TAS1R2: variants seen among roughly 807,000 people sequenced by gnomAD.
The protein encoded by TAS1R2 is taste 1 receptor member 2, also known as taste receptor type 1 member 2.
A neutral mutation model predicts 49.3 loss-of-function variants in TAS1R2; 47 were observed. That is an observed-to-expected ratio of 0.95 (90% confidence interval 0.75 to 1.22). The LOEUF (loss-of-function observed/expected upper bound fraction) is 1.22. TAS1R2 is among the 50% of genes most tolerant of loss of function. The pLI, the probability that TAS1R2 is intolerant of heterozygous loss-of-function variation, is 0.00. For missense variants in TAS1R2, 1,155 were observed against 1,122.1 expected, an observed-to-expected ratio of 1.03 and a Z score of -0.42; for synonymous variants, 479 against 467.9, an observed-to-expected ratio of 1.02 and a Z score of -0.31.
Position 18,854,661 on chromosome 1 carries a change from C to G in TAS1R2, c.809G>C (p.Arg270Pro), listed in dbSNP as rs139111014. ...GTCGGGCGAGAACACGACCACGACG[C>G]GCGCTGTGCTCTGCTGCAGCTTGTC... The change falls in exon 3 of 6, where the codon CGC (arginine) becomes CCC (proline). Residue 270 changes from arginine (R) to proline (P), a missense_variant. Coordinates refer to ENST00000375371, the Ensembl canonical transcript of TAS1R2. The surrounding 1 kb of genome is among the most constrained non-coding windows in gnomAD (Gnocchi z 4.9). 3 of 1,614,012 alleles carry G rather than the reference C, an allele frequency of 1.9e-6. No homozygotes were observed. The East Asian group carries it at 6.7e-5, about 36-fold the overall frequency.
rs1157956818 is a variant in TAS1R2, at chr1:18,854,294, G to C, written c.1176C>G (p.Val392=). The C allele has an allele frequency of 6.2e-7, 1 of 1,614,202 alleles. No homozygotes were observed. The highest frequency in any genetic ancestry group is 1.1e-5 in the South Asian group (1 of 91,074). ...TGTGCAGGGCATGGGCCACAGCATA[G>C]ACCGCAGAGTACACGCTGTAGACGA... is the stretch of plus-strand genomic sequence containing the variant. Residue 392 remains valine (V), a synonymous_variant, in exon 3 of 6, where the codon GTC becomes GTG. Transcript: ENST00000375371. The surrounding 1 kb of genome is among the most constrained non-coding windows in gnomAD (Gnocchi z 4.9).
At chr1:18,857,021 G>A (rs1009617451) in intron 2 of TAS1R2, among the ~76,000 whole-genome samples, 4 of 152,202 alleles carry the variant, frequency 2.6e-5, no homozygotes, top group South Asian at 2.1e-4. Flanking sequence ...ACAGTCCTGG[G>A]ATGGAACGCT....
intron 3 of TAS1R2, among the ~76,000 whole-genome samples, chr1:18,850,722 G>T (rs1934006139): frequency 6.6e-6 from 1 of 152,260 alleles, no homozygotes; most frequent in Admixed American, 6.5e-5. Flanking sequence ...GTCCTGAGTG[G>T]GTGGGAGCCT....
intron 4 of TAS1R2, 143 bp from the exon 5 acceptor site, chr1:18,841,995 A>AC (rs1933839841): frequency 2.0e-6 from 2 of 1,003,702 alleles, no homozygotes; most frequent in Admixed American, 3.0e-5. Flanking sequence ...AAAAAAAAAA[A>AC]AAAACTCTCA....
At chr1:18,841,984 GAAAA>G in intron 4 of TAS1R2, 132 bp from the exon 5 acceptor site, 1 of 340,600 alleles carries the variant, frequency 2.9e-6, no homozygotes, top group Non-Finnish European at 4.7e-6. Flanking sequence ...GGAAACTGTA[GAAAA>G]AAAAAAAAAA....
chr1:18,857,194 T>G (rs1289927274), intron 2 of TAS1R2, 137 bp downstream of exon 2: 3 of 979,784 alleles, frequency 3.1e-6, no homozygotes, highest in Admixed American at 2.8e-5. Context: ...TCTCAAGATT[T>G]GGGCTGATGT....
rs570947796 is a variant in TAS1R2 at position 18,841,858 on chromosome 1, G to A, written c.1468-6C>T. ...GAACACATGGACATAGGGATCTGGA[G>A]GGAGGAGGGCAAGAGACCCTGAGTC... On this transcript the variant is annotated splice_polypyrimidine_tract_variant and splice_region_variant and intron_variant, in intron 4 of 5. Transcript: ENST00000375371. The A allele has an allele frequency of 1.9e-6, 3 of 1,592,320 alleles. No individual in the cohort carries two copies. In the South Asian group the frequency reaches 3.3e-5, roughly 18 times the overall value.
chr1:18,840,306 A>G (rs1933797296), exon 6 of TAS1R2: 1 of 1,614,102 alleles, frequency 6.2e-7, no homozygotes, highest in Non-Finnish European at 8.5e-7. Flanking sequence ...AGCATCAGGA[A>G]GCACATGGGG....
exon 6 of TAS1R2, chr1:18,840,270 C>T: frequency 6.2e-7 from 1 of 1,614,052 alleles, no homozygotes; most frequent in Non-Finnish European, 8.5e-7. Context: ...ACCGGGACCA[C>T]CATGTATGCC....
chr1:18,857,181 C>T, intron 2 of TAS1R2, 150 bp downstream of exon 2: 1 of 898,652 alleles, frequency 1.1e-6, no homozygotes, highest in Non-Finnish European at 1.7e-6. Context: ...AGCTGGGCTA[C>T]CTTCTCAAGA....
chr1:18,849,514 G>A, exon 4 of TAS1R2: 1 of 1,614,234 alleles, frequency 6.2e-7, no homozygotes, highest in South Asian at 1.1e-5. Context: ...TGGTGGTCCA[G>A]GAGAGTGAAG....
intron 2 of TAS1R2, among the ~76,000 whole-genome samples, chr1:18,855,417 A>G (rs1934122481): frequency 1.3e-5 from 2 of 152,084 alleles, no homozygotes; most frequent in Non-Finnish European, 2.9e-5. Flanking sequence ...TCAACTAGCC[A>G]CATTTCTTCC....
exon 1 of TAS1R2, chr1:18,859,550 G>C (rs375003915): frequency 2.5e-6 from 4 of 1,614,192 alleles, no homozygotes; most frequent in Non-Finnish European, 3.4e-6. Flanking sequence ...GGGAGAAGAG[G>C]CCACCCAGGA....
exon 2 of TAS1R2, chr1:18,857,366 C>T (rs1934154361): frequency 1.2e-6 from 2 of 1,614,066 alleles, no homozygotes. Context: ...AAGTTGGCCA[C>T]AGTCATGACA....
chr1:18,847,608 A>G (rs558698142), intron 4 of TAS1R2, among the ~76,000 whole-genome samples: 22 of 151,954 alleles, frequency 1.4e-4, no homozygotes, highest in African/African-American at 4.8e-4. Flanking sequence ...CCCCTCCCCA[A>G]CTCCACAAGG....
chr1:18,846,723 GGAGACAGACACATGGAGAACAC>G lies in TAS1R2; in HGVS notation c.1467+2596_1467+2617del, dbSNP rs537857626. On this transcript the variant is annotated intron_variant, in intron 4 of 5. Coordinates refer to ENST00000375371, the Ensembl canonical transcript of TAS1R2. ...ATGTTCTCATAAAAGGGATGAACTT[GGAGACAGACACATGGAGAACAC>G]CACCTGAAGGTGAAAGCAGAGATGG... is the stretch of plus-strand genomic sequence containing the variant. 1.7e-3 allele frequency among the ~76,000 whole-genome samples: 257 copies of G among 152,322 alleles called. 2 individuals are homozygous for G. Among genetic ancestry groups the G allele is most frequent in the Middle Eastern group, 6.8e-3 (2 of 294 alleles).
chr1:18,841,100 G>A (rs1167056119), intron 5 of TAS1R2, among the ~76,000 whole-genome samples: 1 of 152,238 alleles, frequency 6.6e-6, no homozygotes, highest in East Asian at 1.9e-4. Context: ...ATTGGTAAAT[G>A]TCATCATCCA....
At position 18,857,285 on chromosome 1, in the gene TAS1R2, C is replaced by T. The variant is rs374221986; in HGVS notation, c.483+46G>A. On this transcript the variant is annotated intron_variant, in intron 2 of 5. Transcript: ENST00000375371. The stretch of plus-strand genomic sequence containing the variant: ...TTCTGAGGCCTCTAGACAGCCATTC[C>T]TCTGCCCCCCTCCCCAGGTCCTTCT... 26 of 1,582,926 alleles carry T rather than the reference C, an allele frequency of 1.6e-5. No individual in the cohort carries two copies. In the African/African-American group the frequency reaches 3.0e-4, roughly 18 times the overall value.
At position 18,840,221 on chromosome 1, in the gene TAS1R2, C is replaced by T. The variant is rs777060838; in HGVS notation, c.1898G>A (p.Arg633His). 17 of 1,614,020 alleles carry T rather than the reference C, an allele frequency of 1.1e-5. No homozygotes were observed. Among genetic ancestry groups the T allele is most frequent in the Admixed American group, 5.0e-5 (3 of 60,000 alleles). ...GAAGCAGAGGGGAAAGAGGGCCTGG[C>T]GGCAGAGGCAGGTGGAGACCTTGGG... Residue 633 changes from arginine (R) to histidine (H), a missense_variant, in exon 6 of 6, where the codon CGC (arginine) becomes CAC (histidine). Coordinates refer to ENST00000375371, the Ensembl canonical transcript of TAS1R2.
Sources: gnomAD v4.1 joint callset for allele counts (sites outside exome capture counted in the v4.1 genomes callset) on GRCh38, gnomAD v4.1.1 for gene constraint, Gnocchi (gnomAD v3.1) non-coding constraint, MANE v1.5 for transcripts, NCBI Gene and HGNC (gene_info 2026-07-23, HGNC 2026-07-21) for gene names.